Variants in MPDZ observed in about 807,000 individuals in gnomAD.
The protein encoded by MPDZ is multiple PDZ domain protein.
Under a neutral mutation model 239.1 loss-of-function variants are expected in MPDZ, and 234 were observed. The observed-to-expected ratio is 0.98, with a 90% CI of 0.88 to 1.09. MPDZ has a LOEUF of 1.09. Among genes scored for constraint, MPDZ ranks in the 50% least tolerant of loss-of-function variants. The pLI is 0.00. For synonymous variants in MPDZ, 1,048 were observed against 881.3 expected (o/e 1.19, Z -3.35); for missense variants, 3,175 against 2,510.0 (o/e 1.26, Z -5.66).
At chr9:13,133,994 T>C in intron 31 of MPDZ, 90 bp from the exon 32 acceptor site, 1 of 477,704 alleles carries the variant, frequency 2.1e-6, no homozygotes, top group Non-Finnish European at 3.5e-6. Context: ...TCAAAATTAT[T>C]TTATACATTA....
intron 2 of MPDZ, among the ~76,000 whole-genome samples, chr9:13,248,057 T>G (rs1301797630): frequency 2.0e-5 from 3 of 151,706 alleles, no homozygotes; most frequent in Non-Finnish European, 4.4e-5. Flanking sequence ...TGAAACCCCG[T>G]TTCTACTAAA....
intron 20 of MPDZ, 46 bp downstream of exon 20, chr9:13,176,090 T>C (rs1452430678): frequency 2.7e-6 from 4 of 1,506,068 alleles, no homozygotes; most frequent in South Asian, 1.4e-5. Context: ...TACTTCACTA[T>C]TCCCTATCTC....
intron 1 of MPDZ, among the ~76,000 whole-genome samples, chr9:13,276,385 G>A (rs1012332711): frequency 8.6e-5 from 13 of 151,996 alleles, no homozygotes; most frequent in South Asian, 4.1e-4. Flanking sequence ...TATCATTTCC[G>A]AACTGTACTT....
chr9:13,271,565 C>G (rs1220932400), intron 1 of MPDZ, among the ~76,000 whole-genome samples: 2 of 152,174 alleles, frequency 1.3e-5, no homozygotes, highest in African/African-American at 4.8e-5. Context: ...CTATCCTCTT[C>G]TTTGGGTCTC....
At position 13,223,598 on chromosome 9, in the gene MPDZ, T is replaced by C; in HGVS notation, c.506A>G (p.Glu169Gly). The change falls in exon 5 of 47, where the codon GAG becomes GGG. Residue 169 changes from glutamate to glycine, a missense_variant. Coordinates refer to ENST00000319217, the MANE Select transcript of MPDZ (RefSeq NM_001378778.1). ...ATGGGCCACACTGCCCTCTTGTATC[T>C]CTTGAACAAATATTCCCAGCTCTCC... ...NRGELGIFVQ[E>G]IQEGSVAHRD... The C allele has an allele frequency of 6.2e-7, 1 of 1,612,252 alleles. No homozygotes were observed.
intron 32 of MPDZ, among the ~76,000 whole-genome samples, chr9:13,133,441 C>G (rs556213006): frequency 2.0e-5 from 3 of 152,254 alleles, no homozygotes; most frequent in Non-Finnish European, 2.9e-5. Flanking sequence ...TTTTAAAGGA[C>G]AAGACTATAA....
intron 39 of MPDZ, among the ~76,000 whole-genome samples, chr9:13,117,734 TA>T (rs1943696248): frequency 1.3e-5 from 2 of 152,048 alleles, no homozygotes; most frequent in African/African-American, 4.8e-5. Context: ...ATTATTTACA[TA>T]AGAGTTTTAA....
chr9:13,275,007 A>G (rs1342181614), intron 1 of MPDZ, among the ~76,000 whole-genome samples: 1 of 152,262 alleles, frequency 6.6e-6, no homozygotes, highest in East Asian at 1.9e-4. Flanking sequence ...AAAGAAAATA[A>G]GTGGCCTCAG....
In MPDZ at chr9:13,168,530, C is replaced by T. The variant is rs777849354; in HGVS notation, c.3090G>A (p.Gly1030=). ...MTVSANKDGL[G]MIVRSIIHGG... Reference sequence around the variant, plus strand: ...CATGAATAATGCTTCGAACGATCATCCCCAAGCCATCTTTATTAGCACTAA... The same window carrying T: ...CATGAATAATGCTTCGAACGATCATTCCCAAGCCATCTTTATTAGCACTAA... Residue 1030 remains glycine (G), a synonymous_variant, in exon 22 of 47, where the codon GGG becomes GGA. Coordinates refer to ENST00000319217, the MANE Select transcript of MPDZ (RefSeq NM_001378778.1). 3.1e-6 allele frequency: 5 copies of T among 1,611,576 alleles called. No homozygotes were observed. In the Admixed American group the frequency reaches 8.4e-5, roughly 27 times the overall value.
chr9:13,123,228 G>T lies in MPDZ; in HGVS notation c.4878C>A (p.Cys1626Ter), dbSNP rs375087628. Residue 1626 changes from cysteine to a stop codon, truncating the protein, a stop_gained, in exon 36 of 47, where the codon TGC (cysteine) becomes TGA (stop). Coordinates refer to ENST00000319217, the MANE Select transcript of MPDZ (RefSeq NM_001378778.1). LOFTEE classifies it high-confidence loss of function. ...CTTTGGAAATCTCGATGGTTGTTTC[G>T]CAGCCAGGGATAATGGGGCAGGTTG... ...DPATCPIIPG[C>*]ETTIEISKGR... 5 of 1,613,490 alleles carry T rather than the reference G, an allele frequency of 3.1e-6. No homozygotes were observed. The South Asian group carries it at 5.5e-5, about 18-fold the overall frequency.
intron 25 of MPDZ, among the ~76,000 whole-genome samples, chr9:13,149,202 AG>A (rs1469608916): frequency 5.9e-5 from 9 of 152,090 alleles, no homozygotes; most frequent in African/African-American, 1.9e-4. Flanking sequence ...CAAAAAAAAA[AG>A]GACATGGTCC....
At chr9:13,233,724 C>T (rs914673429) in intron 3 of MPDZ, among the ~76,000 whole-genome samples, 2 of 152,138 alleles carry the variant, frequency 1.3e-5, no homozygotes, top group Non-Finnish European at 2.9e-5. Context: ...TGTAAAAACA[C>T]GCCTCTTAAA....
At chr9:13,258,219 G>C (rs984719234) in intron 1 of MPDZ, among the ~76,000 whole-genome samples, 1 of 152,206 alleles carries the variant, frequency 6.6e-6, no homozygotes, top group African/African-American at 2.4e-5. Flanking sequence ...TAGAGAATCA[G>C]CGTTTGAAAC....
chr9:13,203,773 C>CACACAG (rs1400930663), intron 12 of MPDZ, among the ~76,000 whole-genome samples: 5 of 125,634 alleles, frequency 4.0e-5, no homozygotes, highest in African/African-American at 1.2e-4. Flanking sequence ...CACACACACA[C>CACACAG]AGAGAGAGAA....
intron 23 of MPDZ, among the ~76,000 whole-genome samples, chr9:13,159,598 C>A (rs532083421): frequency 6.6e-6 from 1 of 152,104 alleles, no homozygotes; most frequent in Admixed American, 6.6e-5. Flanking sequence ...AACTTAGAAA[C>A]AGTCCTTAAA....
At chr9:13,126,648 T>C in intron 33 of MPDZ, 32 bp downstream of exon 33, 1 of 1,612,042 alleles carries the variant, frequency 6.2e-7, no homozygotes, top group Non-Finnish European at 8.5e-7. Context: ...CCTCCCCAAC[T>C]ACTTAATGAC....
rs777597600 is a variant in MPDZ at position 13,221,477 on chromosome 9, C to T, written c.771G>A (p.Thr257=). ...SNPVHWQHME[T]IELVNDGSGL... ...CAGATCCATCATTCACCAATTCAATCGTTTCCATGTGTTGCCAGTGAACCT... is the reference window on the plus strand; with the variant it reads ...CAGATCCATCATTCACCAATTCAATTGTTTCCATGTGTTGCCAGTGAACCT... Residue 257 remains threonine, a synonymous_variant, in exon 7 of 47, where the codon ACG becomes ACA. Coordinates refer to ENST00000319217, the MANE Select transcript of MPDZ (RefSeq NM_001378778.1). 1.2e-6 allele frequency: 2 copies of T among 1,610,440 alleles called. No individual in the cohort carries two copies. The highest frequency in any genetic ancestry group is 1.7e-6 in the Non-Finnish European group (2 of 1,177,944).
At position 13,224,583 on chromosome 9, in the gene MPDZ, C is replaced by T. The variant is rs1959925086; in HGVS notation, c.184G>A (p.Val62Ile). 6.3e-7 allele frequency: 1 copy of T among 1,596,700 alleles called. No homozygotes were observed. ...QTSVQQLKDQ[V>I]NIATSATSNI... ...GAAGTTGCTGAAGTTGCAATATTTA[C>T]CTAAGAGTAATGCAGGGATTATTAA... The change falls in exon 4 of 47, where the codon GTA (valine) becomes ATA (isoleucine). Residue 62 changes from valine (V) to isoleucine (I), a missense_variant and splice_region_variant. Coordinates refer to ENST00000319217, the MANE Select transcript of MPDZ (RefSeq NM_001378778.1).
chr9:13,240,580 TAAAAAAAAA>T (rs71331533), intron 3 of MPDZ, among the ~76,000 whole-genome samples: 23 of 44,016 alleles, frequency 5.2e-4, no homozygotes, highest in Non-Finnish European at 6.1e-4. Flanking sequence ...ATAATAAAAG[TAAAAAAAAA>T]AAAAAAAAAA....
Sources: gnomAD v4.1 joint callset for allele counts (sites outside exome capture counted in the v4.1 genomes callset) on GRCh38, gnomAD v4.1.1 for gene constraint, MANE v1.5 for transcripts, NCBI Gene and HGNC (gene_info 2026-07-23, HGNC 2026-07-21) for gene names.